CTNNA3: variants seen among roughly 807,000 people sequenced by gnomAD.
CTNNA3 encodes the protein catenin alpha-3.
A neutral mutation model predicts 95.7 loss-of-function variants in CTNNA3; 76 were observed. The ratio of observed to expected loss-of-function variants is 0.79; its 90% CI spans 0.66 to 0.96. The LOEUF is 0.96. CTNNA3 is among the 40% of genes least tolerant of loss of function. The pLI, the probability that CTNNA3 is intolerant of heterozygous loss-of-function variation, is 0.00. For missense variants in CTNNA3, 1,191 were observed against 1,089.8 expected (o/e 1.09, Z -1.31); for synonymous variants, 431 against 374.4 (o/e 1.15, Z -1.74).
chr10:67,694,526 T>C (rs1314208788), intron 1 of CTNNA3, among the ~76,000 whole-genome samples: 1 of 152,134 alleles, frequency 6.6e-6, no homozygotes, highest in African/African-American at 2.4e-5. Flanking sequence ...ACAACATACA[T>C]ATACACATAA....
At chr10:67,387,191 G>C (rs1482111678) in intron 5 of CTNNA3, among the ~76,000 whole-genome samples, 1 of 152,196 alleles carries the variant, frequency 6.6e-6, no homozygotes, top group Non-Finnish European at 1.5e-5. Flanking sequence ...GCGCAGGTCA[G>C]TGGGTGCGCG....
At chr10:67,112,573 A>T (rs1365443314) in intron 7 of CTNNA3, among the ~76,000 whole-genome samples, 1 of 152,042 alleles carries the variant, frequency 6.6e-6, no homozygotes, top group Non-Finnish European at 1.5e-5. Context: ...CAGAGAAAAA[A>T]ATTCTTGGTC....
intron 7 of CTNNA3, among the ~76,000 whole-genome samples, chr10:67,085,124 C>A (rs1488516426): frequency 3.3e-5 from 5 of 151,756 alleles, no homozygotes; most frequent in African/African-American, 1.2e-4. Context: ...GAGTGAAAAG[C>A]AAATAATTAC....
chr10:67,490,173 G>A (rs766697558), intron 5 of CTNNA3, among the ~76,000 whole-genome samples: 50 of 152,066 alleles, frequency 3.3e-4, no homozygotes, highest in Non-Finnish European at 6.6e-4. Flanking sequence ...TAAGCACTTT[G>A]TTTCTTAAAT....
intron 17 of CTNNA3, among the ~76,000 whole-genome samples, chr10:65,941,927 G>A (rs1167951236): frequency 6.6e-6 from 1 of 152,162 alleles, no homozygotes; most frequent in East Asian, 1.9e-4. Flanking sequence ...TAGAACTGGT[G>A]TTTCTGGCTC....
intron 7 of CTNNA3, among the ~76,000 whole-genome samples, chr10:67,037,954 A>G (rs1454941650): frequency 1.3e-5 from 2 of 152,154 alleles, no homozygotes; most frequent in African/African-American, 4.8e-5. Flanking sequence ...AGGCAGAGAA[A>G]TAATTGTTCA....
chr10:67,347,844 A>C (rs908856393), intron 5 of CTNNA3, among the ~76,000 whole-genome samples: 8 of 151,266 alleles, frequency 5.3e-5, no homozygotes, highest in African/African-American at 1.9e-4. Flanking sequence ...AAAAAAAAAA[A>C]AAAACACAAA....
At chr10:67,383,413 C>G (rs1589236385) in intron 5 of CTNNA3, among the ~76,000 whole-genome samples, 1 of 152,276 alleles carries the variant, frequency 6.6e-6, no homozygotes, top group Middle Eastern at 3.4e-3. Flanking sequence ...GCTGAGGAAA[C>G]TAAAGCTCAG....
chr10:66,045,426 A>C (rs2079808981), intron 15 of CTNNA3, among the ~76,000 whole-genome samples: 3 of 152,198 alleles, frequency 2.0e-5, no homozygotes, highest in Non-Finnish European at 4.4e-5. Flanking sequence ...ATTGTCCTTA[A>C]AATGTAGAAC....
intron 7 of CTNNA3, among the ~76,000 whole-genome samples, chr10:66,854,633 G>A (rs186646760): frequency 6.6e-6 from 1 of 152,018 alleles, no homozygotes; most frequent in Non-Finnish European, 1.5e-5. Context: ...CTTAAAAAAT[G>A]GTTAAGAAGA....
intron 9 of CTNNA3, among the ~76,000 whole-genome samples, chr10:66,706,433 A>G (rs1848119911): frequency 1.3e-5 from 2 of 151,282 alleles, no homozygotes; most frequent in Admixed American, 6.6e-5. Context: ...CTTTTAGCCC[A>G]TCTTCTGAAT....
At chr10:67,344,688 G>T (rs1016103889) in intron 5 of CTNNA3, among the ~76,000 whole-genome samples, 2 of 151,944 alleles carry the variant, frequency 1.3e-5, no homozygotes, top group African/African-American at 4.8e-5. Flanking sequence ...GGTATCAGTT[G>T]TATGTCCCCC....
At chr10:66,686,124 C>A (rs1219558551) in intron 9 of CTNNA3, among the ~76,000 whole-genome samples, 1 of 152,192 alleles carries the variant, frequency 6.6e-6, no homozygotes, top group African/African-American at 2.4e-5. Context: ...CAAATTCAGT[C>A]AGCATGCGGA....
chr10:67,217,780 T>C (rs1287617570), intron 6 of CTNNA3, among the ~76,000 whole-genome samples: 3 of 151,994 alleles, frequency 2.0e-5, no homozygotes, highest in African/African-American at 4.8e-5. Flanking sequence ...TCTGACACAA[T>C]TGTGTTTTAG....
chr10:66,797,142 T>A (rs1483890960), intron 7 of CTNNA3, among the ~76,000 whole-genome samples: 1 of 151,708 alleles, frequency 6.6e-6, no homozygotes, highest in East Asian at 1.9e-4. Flanking sequence ...GTGCCTCAAG[T>A]GATTATGTTT....
intron 17 of CTNNA3, among the ~76,000 whole-genome samples, chr10:65,931,273 A>G (rs1157225920): frequency 6.6e-6 from 1 of 152,222 alleles, no homozygotes; most frequent in African/African-American, 2.4e-5. Flanking sequence ...TGCTTTTGAA[A>G]TACATATCTT....
At chr10:66,331,342 G>GTTTTTTTTT (rs60709020) in intron 12 of CTNNA3, among the ~76,000 whole-genome samples, 3 of 80,332 alleles carry the variant, frequency 3.7e-5, no homozygotes, top group Non-Finnish European at 7.1e-5. Flanking sequence ...CCCATTGTTT[G>GTTTTTTTTT]TTTTTTTTTT....
At chr10:67,238,634 AC>A (rs1341739220) in intron 5 of CTNNA3, among the ~76,000 whole-genome samples, 2 of 152,104 alleles carry the variant, frequency 1.3e-5, no homozygotes, top group Admixed American at 6.6e-5. Context: ...AGGTCTGTTC[AC>A]CTTGGAAAGG....
chr10:66,967,835 G>T (rs1456160209), intron 7 of CTNNA3, among the ~76,000 whole-genome samples: 1 of 151,906 alleles, frequency 6.6e-6, no homozygotes, highest in Non-Finnish European at 1.5e-5. Context: ...CCCTCGAAAG[G>T]TTCAATTCTA....
Sources: gnomAD v4.1 joint callset for allele counts (sites outside exome capture counted in the v4.1 genomes callset) on GRCh38, gnomAD v4.1.1 for gene constraint, MANE v1.5 for transcripts, NCBI Gene and HGNC (gene_info 2026-07-23, HGNC 2026-07-21) for gene names.